Variants in GABRB2 observed in about 807,000 individuals in gnomAD.
GABRB2 encodes the protein gamma-aminobutyric acid receptor subunit beta-2.
In GABRB2, 16 loss-of-function variants were observed where a neutral mutation model predicts 54.7. The ratio of observed to expected loss-of-function variants is 0.29; its 90% confidence interval spans 0.20 to 0.44. GABRB2 has a LOEUF of 0.44. Ranked by LOEUF, GABRB2 falls within the 20% of genes least tolerant of loss-of-function variation. GABRB2 has a pLI of 1.00. For synonymous variants in GABRB2, 244 were observed against 233.8 expected (o/e 1.04, Z -0.40); for missense variants, 355 against 644.0 (o/e 0.55, Z 4.86).
intron 3 of GABRB2, among the ~76,000 whole-genome samples, chr5:161,512,026 T>C (rs1759787498): frequency 6.6e-6 from 1 of 151,112 alleles, no homozygotes; most frequent in Non-Finnish European, 1.5e-5. Flanking sequence ...CAGCATATTA[T>C]AACAACATAC....
At chr5:161,490,734 T>A (rs1468636106) in intron 3 of GABRB2, among the ~76,000 whole-genome samples, 1 of 151,710 alleles carries the variant, frequency 6.6e-6, no homozygotes, top group Non-Finnish European at 1.5e-5. Context: ...TCACATTAAA[T>A]TTTGATAAGG....
At chr5:161,492,647 T>C (rs1759117889) in intron 3 of GABRB2, among the ~76,000 whole-genome samples, 1 of 151,586 alleles carries the variant, frequency 6.6e-6, no homozygotes, top group African/African-American at 2.4e-5. Context: ...AACAAAGACA[T>C]ATTTGGTCAT....
In GABRB2 at chr5:161,503,268, CTA is replaced by C. The variant is rs576335136; in HGVS notation, c.237+41957_237+41958del. Among the ~76,000 whole-genome samples, 35 of 151,356 alleles carry C rather than the reference CTA, an allele frequency of 2.3e-4. No individual in the cohort carries two copies. The South Asian group carries it at 6.9e-3, about 30-fold the overall frequency. On this transcript the variant is annotated intron_variant, in intron 3 of 9. Transcript: ENST00000393959. ...GGAAATCTCAGCAGAGATATAGAAA[CTA>C]TTTTTAAAAATCAAGTAGAAATTCT...
intron 3 of GABRB2, among the ~76,000 whole-genome samples, chr5:161,543,831 G>A (rs988035752): frequency 2.6e-5 from 4 of 152,140 alleles, no homozygotes; most frequent in African/African-American, 4.8e-5. Flanking sequence ...TTTTCATAAT[G>A]TGAGGGAAAT....
At chr5:161,305,001 A>ATTT (rs544511446) in intron 9 of GABRB2, among the ~76,000 whole-genome samples, 1,237 of 95,164 alleles carry the variant, frequency 0.013, 65 homozygotes, top group Non-Finnish European at 0.02. Context: ...TGATATATCA[A>ATTT]TTTTTTTTTT....
At chr5:161,537,371 G>T (rs150503339) in intron 3 of GABRB2, among the ~76,000 whole-genome samples, 221 of 152,064 alleles carry the variant, frequency 1.5e-3, no homozygotes, top group South Asian at 2.5e-3. Context: ...ATCGCCTGCT[G>T]GTTGTATCCA....
intron 4 of GABRB2, among the ~76,000 whole-genome samples, chr5:161,434,926 T>C (rs1375644366): frequency 6.6e-6 from 1 of 152,194 alleles, no homozygotes; most frequent in Non-Finnish European, 1.5e-5. Flanking sequence ...CTCTCCATAT[T>C]GCGACTCTGG....
intron 4 of GABRB2, among the ~76,000 whole-genome samples, chr5:161,454,965 C>A (rs10038621): frequency 6.6e-6 from 1 of 152,184 alleles, no homozygotes; most frequent in East Asian, 1.9e-4. Context: ...ATGCTGCAAT[C>A]GTGTGCTTTT....
chr5:161,512,773 A>G lies in GABRB2; in HGVS notation c.237+32454T>C, dbSNP rs116644464. On this transcript the variant is annotated intron_variant, in intron 3 of 9. Coordinates refer to ENST00000393959, the MANE Select transcript of GABRB2 (RefSeq NM_001371727.1). ...GCAAAAGGATTGACAGAGTAAACAC[A>G]TGACCTACAGACTGGGAGAAAATAT... is the stretch of plus-strand genomic sequence containing the variant. Among the ~76,000 whole-genome samples the G allele has an allele frequency of 5.4e-3, 828 of 152,180 alleles. 9 individuals carry two copies. The highest frequency in any genetic ancestry group is 0.019 in the African/African-American group (793 of 41,550).
At chr5:161,543,739 C>G (rs1005647923) in intron 3 of GABRB2, among the ~76,000 whole-genome samples, 12 of 152,146 alleles carry the variant, frequency 7.9e-5, no homozygotes, top group African/African-American at 2.2e-4. Context: ...TGATAAAAGA[C>G]CTTTCAAATT....
At chr5:161,375,604 C>G (rs1197958566) in intron 5 of GABRB2, among the ~76,000 whole-genome samples, 2 of 152,116 alleles carry the variant, frequency 1.3e-5, no homozygotes, top group Admixed American at 6.6e-5. Flanking sequence ...AGAGTAAGAA[C>G]GAGGCTTTTG....
intron 3 of GABRB2, among the ~76,000 whole-genome samples, chr5:161,529,786 T>G (rs1760401465): frequency 6.6e-6 from 1 of 152,076 alleles, no homozygotes; most frequent in South Asian, 2.1e-4. Flanking sequence ...TTTAAACTAT[T>G]AAATGGTTAA....
intron 4 of GABRB2, among the ~76,000 whole-genome samples, chr5:161,453,432 G>A (rs561974574): frequency 3.3e-5 from 5 of 152,262 alleles, no homozygotes; most frequent in African/African-American, 1.2e-4. Context: ...ATTAGGTCTT[G>A]AGGGCAGGAT....
intron 7 of GABRB2, among the ~76,000 whole-genome samples, chr5:161,331,676 G>T (rs1753849255): frequency 6.6e-6 from 1 of 152,088 alleles, no homozygotes. Context: ...TGGGTACATT[G>T]CAAGACAGGA....
chr5:161,404,325 C>A (rs917370118), intron 5 of GABRB2, among the ~76,000 whole-genome samples: 1 of 152,018 alleles, frequency 6.6e-6, no homozygotes, highest in African/African-American at 2.4e-5. Flanking sequence ...GCAGTGACAC[C>A]ATGGAGCATT....
intron 3 of GABRB2, among the ~76,000 whole-genome samples, chr5:161,468,732 T>C (rs528151988): frequency 1.6e-4 from 24 of 151,926 alleles, no homozygotes; most frequent in African/African-American, 5.1e-4. Flanking sequence ...GCTTAGAACA[T>C]AGTAGCAATA....
chr5:161,504,556 T>C (rs1391817744), intron 3 of GABRB2, among the ~76,000 whole-genome samples: 2 of 152,058 alleles, frequency 1.3e-5, no homozygotes, highest in Non-Finnish European at 2.9e-5. Flanking sequence ...AAAAAACTGT[T>C]CAGAAGGAAA....
chr5:161,415,651 T>G (rs1756642625), intron 4 of GABRB2, among the ~76,000 whole-genome samples: 1 of 152,186 alleles, frequency 6.6e-6, no homozygotes, highest in South Asian at 2.1e-4. Context: ...TTTGCTCTTT[T>G]GCCCAGGCTG....
intron 4 of GABRB2, among the ~76,000 whole-genome samples, chr5:161,448,292 G>A (rs1392582283): frequency 1.3e-5 from 2 of 152,086 alleles, no homozygotes; most frequent in Non-Finnish European, 2.9e-5. Flanking sequence ...ATGTAGTGGT[G>A]TGCACCTGTA....
Sources: allele counts gnomAD v4.1 joint callset (sites outside exome capture counted in the v4.1 genomes callset), GRCh38; gene constraint gnomAD v4.1.1; transcripts MANE v1.5; gene names NCBI Gene and HGNC (gene_info 2026-07-23, HGNC 2026-07-21).